The following SNX13 variants were observed in gnomAD, a reference collection of about 807,000 sequenced individuals.
SNX13 encodes the protein sorting nexin-13.
In SNX13, 45 loss-of-function variants were observed where a neutral mutation model predicts 133.6. That is an observed-to-expected ratio of 0.34 (90% CI 0.27 to 0.43). The LOEUF is 0.43. SNX13 is among the 20% of genes least tolerant of loss of function. SNX13 has a pLI of 1.00. For synonymous variants in SNX13, 414 were observed against 373.9 expected (o/e 1.11, Z -1.24); for missense variants, 1,032 against 1,145.1 (o/e 0.90, Z 1.43).
intron 9 of SNX13, among the ~76,000 whole-genome samples, chr7:17,861,225 A>G (rs927188718): frequency 4.6e-5 from 7 of 151,976 alleles, no homozygotes; most frequent in Non-Finnish European, 8.8e-5. Context: ...TAGGGACTGC[A>G]TTCTTGTTCA....
intron 1 of SNX13, among the ~76,000 whole-genome samples, chr7:17,932,632 G>A (rs1296484706): frequency 6.6e-6 from 1 of 152,104 alleles, no homozygotes; most frequent in African/African-American, 2.4e-5. Flanking sequence ...ACTCTATTAG[G>A]GAAAAACATG....
At chr7:17,890,342 A>C (rs1188078814) in intron 5 of SNX13, 21 bp downstream of exon 5, 1 of 1,596,908 alleles carries the variant, frequency 6.3e-7, no homozygotes. Flanking sequence ...TTTCTGCATA[A>C]ATACAATGTC....
intron 22 of SNX13, among the ~76,000 whole-genome samples, chr7:17,801,028 A>T (rs1176029295): frequency 3.9e-4 from 7 of 18,150 alleles, no homozygotes; most frequent in African/African-American, 1.0e-3. Flanking sequence ...ATATATATAT[A>T]TATATATATA....
chr7:17,803,272 G>A (rs1583463633), intron 21 of SNX13, 147 bp downstream of exon 21: 1 of 666,982 alleles, frequency 1.5e-6, no homozygotes, highest in Non-Finnish European at 2.2e-6. Flanking sequence ...TTTCTCTTTA[G>A]TTCTTTATTC....
chr7:17,865,210 G>T (rs1793237057), intron 9 of SNX13, among the ~76,000 whole-genome samples: 1 of 152,148 alleles, frequency 6.6e-6, no homozygotes, highest in African/African-American at 2.4e-5. Context: ...GAATAATACT[G>T]CAACTGTGGT....
chr7:17,810,619 G>A (rs1432851287), intron 20 of SNX13, among the ~76,000 whole-genome samples: 1 of 152,134 alleles, frequency 6.6e-6, no homozygotes, highest in African/African-American at 2.4e-5. Context: ...CCAAACAACA[G>A]AAAAAGAGGG....
intron 1 of SNX13, among the ~76,000 whole-genome samples, chr7:17,916,847 A>G (rs570699433): frequency 1.3e-5 from 2 of 152,282 alleles, no homozygotes; most frequent in East Asian, 3.9e-4. Flanking sequence ...AATTTCTGGC[A>G]AAGACACAGC....
chr7:17,824,848 A>T (rs1583376969), intron 17 of SNX13, among the ~76,000 whole-genome samples: 1 of 149,194 alleles, frequency 6.7e-6, no homozygotes, highest in South Asian at 2.1e-4. Flanking sequence ...CGGCTCATTG[A>T]AACCTCCACC....
chr7:17,897,335 C>T lies in SNX13; in HGVS notation c.124G>A (p.Gly42Arg). 6.6e-7 allele frequency: 1 copy of T among 1,513,266 alleles called. No individual in the cohort carries two copies. The allele number at this position is 1,513,266 out of a possible 1,614,324, so 93.7% of individuals were successfully genotyped here. A position where few individuals can be genotyped will look rare whatever the true frequency, so the allele number is the denominator to read the frequency against. The change falls in exon 2 of 26, where the codon GGG becomes AGG. Residue 42 changes from glycine to arginine, a missense_variant and splice_region_variant. Coordinates refer to ENST00000428135, the MANE Select transcript of SNX13 (RefSeq NM_015132.5). Reference sequence around the variant, plus strand: ...AAAATTATAATTGAGTATACTTACCCACCCACAAAGCAGAGGATATAAAAT... The same window carrying T: ...AAAATTATAATTGAGTATACTTACCTACCCACAAAGCAGAGGATATAAAAT... Reference protein sequence around the residue: ...LTFYILCFVGGGLVVTLLFGK... With the variant: ...LTFYILCFVGRGLVVTLLFGK...
chr7:17,885,620 G>T (rs2128370631), intron 5 of SNX13, among the ~76,000 whole-genome samples: 2 of 152,264 alleles, frequency 1.3e-5, no homozygotes, highest in African/African-American at 4.8e-5. Flanking sequence ...CTGAGCTCAG[G>T]AGCTCCAGAC....
At chr7:17,816,383 C>A in intron 18 of SNX13, 94 bp from the exon 19 acceptor site, 1 of 1,406,928 alleles carries the variant, frequency 7.1e-7, no homozygotes. Context: ...ATCTTCAGGC[C>A]AGGTGCGGTG....
At position 17,839,974 on chromosome 7, in the gene SNX13, C is replaced by G; in HGVS notation, c.1192G>C (p.Ala398Pro). ...MDYMQQTGGQ[A>P]HLFFWMTVEG... ...ACTGTCATCCAAAAGAATAGATGTG[C>G]TTGACCTCCAGTTTGCTGCATGTAA... The change falls in exon 13 of 26, where the codon GCA (alanine) becomes CCA (proline). Residue 398 changes from alanine to proline, a missense_variant. Coordinates refer to ENST00000428135, the MANE Select transcript of SNX13 (RefSeq NM_015132.5). 6.2e-7 allele frequency: 1 copy of G among 1,609,364 alleles called. No homozygotes were observed. The highest frequency in any genetic ancestry group is 1.1e-5 in the South Asian group (1 of 90,640).
chr7:17,880,286 TAATTC>T (rs1052807655), intron 5 of SNX13: 5 of 152,182 alleles, frequency 3.3e-5, no homozygotes, highest in African/African-American at 1.2e-4. Context: ...TTCGCTCACT[TAATTC>T]AATTACACTC....
intron 1 of SNX13, among the ~76,000 whole-genome samples, chr7:17,939,421 T>C (rs921077847): frequency 6.6e-6 from 1 of 152,248 alleles, no homozygotes; most frequent in African/African-American, 2.4e-5. Context: ...CACCTGCAGA[T>C]ACTACAACAC....
intron 1 of SNX13, among the ~76,000 whole-genome samples, chr7:17,911,728 G>C (rs1799005422): frequency 6.6e-6 from 1 of 151,844 alleles, no homozygotes; most frequent in East Asian, 1.9e-4. Flanking sequence ...ATGCAATGAA[G>C]GCAATGCTAC....
Position 17,826,045 on chromosome 7 carries a change from A to T in SNX13, c.1682T>A (p.Leu561His). The change falls in exon 17 of 26, where the codon CTT becomes CAT. Residue 561 changes from leucine (L) to histidine (H), a missense_variant. By Grantham distance (99) the Leu-to-His change is moderately conservative. Coordinates refer to ENST00000428135, the MANE Select transcript of SNX13 (RefSeq NM_015132.5). The stretch of plus-strand genomic sequence containing the variant: ...ACCTGTGTCTGAAATGTAGGCATGA[A>T]GTTGTACTGAGTCATCAGAAGAAAC... ...SNVSSDDSVQLHAYISDTGVC... is the reference protein window; with the variant it reads ...SNVSSDDSVQHHAYISDTGVC... The T allele has an allele frequency of 6.4e-7, 1 of 1,560,034 alleles. No individual in the cohort carries two copies. Among genetic ancestry groups the T allele is most frequent in the East Asian group, 2.3e-5 (1 of 42,580 alleles).
chr7:17,828,167 T>G (rs1013829094), intron 16 of SNX13, among the ~76,000 whole-genome samples: 1 of 151,720 alleles, frequency 6.6e-6, no homozygotes, highest in African/African-American at 2.4e-5. Flanking sequence ...TGATGAAAAC[T>G]TTGGAAAAAC....
chr7:17,905,490 GA>G (rs1381658489), intron 1 of SNX13, among the ~76,000 whole-genome samples: 1 of 152,172 alleles, frequency 6.6e-6, no homozygotes, highest in African/African-American at 2.4e-5. Context: ...AATATTTTTA[GA>G]ACTCCTTTTA....
chr7:17,905,952 T>C (rs1051109296), intron 1 of SNX13, among the ~76,000 whole-genome samples: 4 of 152,202 alleles, frequency 2.6e-5, no homozygotes, highest in African/African-American at 9.7e-5. Context: ...ACTACCAGCA[T>C]ATACCACTTT....
Sources: allele counts gnomAD v4.1 joint callset (sites outside exome capture counted in the v4.1 genomes callset), GRCh38; gene constraint gnomAD v4.1.1; transcripts MANE v1.5; gene names NCBI Gene and HGNC (gene_info 2026-07-23, HGNC 2026-07-21).